SLC25A48: variants seen among roughly 807,000 people sequenced by gnomAD.
The protein encoded by SLC25A48 is CTC-321K16.1.
In SLC25A48, 29 loss-of-function variants were observed where a neutral mutation model predicts 32.2. The ratio of observed to expected loss-of-function variants is 0.90; its 90% CI spans 0.67 to 1.23. SLC25A48 has a LOEUF of 1.23. Ranked by LOEUF, SLC25A48 falls within the 50% of genes most tolerant of loss-of-function variation. The probability of loss-of-function intolerance (pLI) is 0.00; values close to 1 mark genes in which losing one functional copy is unlikely to be tolerated. For synonymous variants in SLC25A48, 164 were observed against 172.3 expected, an observed-to-expected ratio of 0.95 and a Z score of 0.38; for missense variants, 399 against 422.7, an observed-to-expected ratio of 0.94 and a Z score of 0.49.
chr5:135,739,245 A>G (rs1206566222), intron 3 of SLC25A48, among the ~76,000 whole-genome samples: 3 of 152,056 alleles, frequency 2.0e-5, no homozygotes, highest in African/African-American at 7.2e-5. Flanking sequence ...AGTCTCCTGC[A>G]TAGCTGGGAC....
At position 135,846,611 on chromosome 5, in the gene SLC25A48, A is replaced by G. The variant is rs80204437; in HGVS notation, c.91-3814A>G. On this transcript the variant is annotated intron_variant, in intron 2 of 7. Transcript: ENST00000681962. ...AGCTCTGGGATGCTGAGAGGTTCCA[A>G]TGGGAGAGAAACCATGAACTGGAGT... is the stretch of plus-strand genomic sequence containing the variant. Among the ~76,000 whole-genome samples, 410 of 152,242 alleles carry G rather than the reference A, an allele frequency of 2.7e-3. 3 individuals are homozygous for G. The highest frequency in any genetic ancestry group is 0.01 in the East Asian group (54 of 5,162).
chr5:135,758,780 A>G (rs953169946), intron 3 of SLC25A48, among the ~76,000 whole-genome samples: 3 of 150,726 alleles, frequency 2.0e-5, no homozygotes, highest in African/African-American at 7.3e-5. Flanking sequence ...ATTGACGTTA[A>G]TATATCATCT....
chr5:135,704,129 C>G (rs756944649), intron 3 of SLC25A48, among the ~76,000 whole-genome samples: 8 of 152,232 alleles, frequency 5.3e-5, no homozygotes, highest in Non-Finnish European at 1.0e-4. Flanking sequence ...GGTTCACACA[C>G]TGTTCTGGGC....
chr5:135,771,268 T>C (rs1287429163), intron 3 of SLC25A48, among the ~76,000 whole-genome samples: 1 of 151,698 alleles, frequency 6.6e-6, no homozygotes, highest in East Asian at 1.9e-4. Context: ...CCCTCTGCGA[T>C]ATGGTTCATA....
chr5:135,779,682 G>A (rs1756673019), intron 3 of SLC25A48, among the ~76,000 whole-genome samples: 1 of 117,210 alleles, frequency 8.5e-6, no homozygotes, highest in Admixed American at 8.8e-5. Flanking sequence ...ACAACCACCC[G>A]GTAATATTGT....
intron 3 of SLC25A48, among the ~76,000 whole-genome samples, chr5:135,785,239 T>A (rs1023627662): frequency 6.6e-6 from 1 of 152,052 alleles, no homozygotes; most frequent in Non-Finnish European, 1.5e-5. Flanking sequence ...TAGATCGTAA[T>A]GTCCGGGTGG....
At chr5:135,716,680 A>G (rs2126979087) in intron 3 of SLC25A48, among the ~76,000 whole-genome samples, 1 of 152,312 alleles carries the variant, frequency 6.6e-6, no homozygotes, top group East Asian at 1.9e-4. Flanking sequence ...TTCCAAATAA[A>G]AAGGCAGTCC....
intron 7 of SLC25A48, among the ~76,000 whole-genome samples, chr5:135,885,282 A>G (rs1762674905): frequency 6.6e-6 from 1 of 152,044 alleles, no homozygotes; most frequent in African/African-American, 2.4e-5. Flanking sequence ...CCAGGCATAC[A>G]ATGGGCATTT....
chr5:135,767,392 G>T (rs376228470), intron 3 of SLC25A48, among the ~76,000 whole-genome samples: 1 of 151,918 alleles, frequency 6.6e-6, no homozygotes, highest in African/African-American at 2.4e-5. Flanking sequence ...CATATTGCGG[G>T]CGGTGCACAC....
chr5:135,813,478 G>A (rs1466273467), intron 4 of SLC25A48, among the ~76,000 whole-genome samples: 1 of 152,146 alleles, frequency 6.6e-6, no homozygotes, highest in Non-Finnish European at 1.5e-5. Context: ...CTGTCTGATA[G>A]GTGAGAGATG....
intron 7 of SLC25A48, 124 bp from the exon 8 acceptor site, chr5:135,887,908 T>A: frequency 2.3e-6 from 2 of 870,992 alleles, no homozygotes; most frequent in Non-Finnish European, 3.6e-6. Flanking sequence ...AGTGCAAAAG[T>A]GTTTTTGTAA....
intron 3 of SLC25A48, among the ~76,000 whole-genome samples, chr5:135,701,148 G>A (rs58800900): frequency 0.033 from 5,055 of 152,146 alleles, 102 homozygotes; most frequent in African/African-American, 0.058. Context: ...CAGAGTGTGG[G>A]CCGTCAGTCC....
At chr5:135,799,065 T>C (rs1051931545) in intron 3 of SLC25A48, among the ~76,000 whole-genome samples, 4 of 151,782 alleles carry the variant, frequency 2.6e-5, no homozygotes, top group Non-Finnish European at 5.9e-5. Flanking sequence ...ACTCCCAATA[T>C]CGCAAAGAAT....
intron 1 of SLC25A48, among the ~76,000 whole-genome samples, chr5:135,613,595 T>C (rs1418347803): frequency 6.6e-6 from 1 of 152,192 alleles, no homozygotes; most frequent in Non-Finnish European, 1.5e-5. Flanking sequence ...CTTGAGTTGA[T>C]TTTTGTACAT....
intron 3 of SLC25A48, among the ~76,000 whole-genome samples, chr5:135,697,502 T>C (rs1321083102): frequency 6.6e-6 from 1 of 152,214 alleles, no homozygotes; most frequent in African/African-American, 2.4e-5. Flanking sequence ...TTTCCCTTTT[T>C]GAGGAGTTAG....
chr5:135,834,795 G>C lies in SLC25A48; in HGVS notation c.-53G>C. ...TCGCGCCCGCGGGCCATGCCCCACT[G>C]ACTCTAAGTGGGCACTGCCCCGGCT... On this transcript the variant is annotated 5_prime_UTR_variant, in exon 1 of 8. An upstream open reading frame in the 5' UTR loses its in-frame stop. Coordinates refer to ENST00000681962, the MANE Select transcript of SLC25A48 (RefSeq NM_001349336.2). 6.5e-7 allele frequency: 1 copy of C among 1,528,396 alleles called. No individual in the cohort carries two copies. The highest frequency in any genetic ancestry group is 2.1e-5 in the Admixed American group (1 of 47,376). 94.7% of individuals were successfully genotyped at this position (1,528,396 alleles called of 1,614,324 possible). A position where few individuals can be genotyped will look rare whatever the true frequency, so the allele number is the denominator to read the frequency against.
chr5:135,736,202 A>G lies in SLC25A48; in HGVS notation c.-520-76321A>G, dbSNP rs557220111. ...ATTTGGGAGGAATCGCATTGGGTAC[A>G]GAGACTAGGGAGGGAATGAAGTGTG... On this transcript the variant is annotated intron_variant, in intron 3 of 10. Transcript: ENST00000646290. Among the ~76,000 whole-genome samples, 8 of 152,296 alleles carry G rather than the reference A, an allele frequency of 5.3e-5. No individual in the cohort carries two copies. The East Asian group carries it at 9.7e-4, about 18-fold the overall frequency.
At chr5:135,658,211 A>G (rs925392501) in intron 3 of SLC25A48, among the ~76,000 whole-genome samples, 8 of 152,344 alleles carry the variant, frequency 5.3e-5, no homozygotes, top group Non-Finnish European at 1.0e-4. Context: ...TCAAGATACA[A>G]TGGAGGTACA....
chr5:135,696,815 C>T (rs1196767299), intron 3 of SLC25A48, among the ~76,000 whole-genome samples: 1 of 152,206 alleles, frequency 6.6e-6, no homozygotes, highest in Non-Finnish European at 1.5e-5. Flanking sequence ...GCCTTTCCAC[C>T]TCCTGCCAAT....
Sources: allele counts gnomAD v4.1 joint callset (sites outside exome capture counted in the v4.1 genomes callset), GRCh38; gene constraint gnomAD v4.1.1; transcripts MANE v1.5; gene names NCBI Gene and HGNC (gene_info 2026-07-23, HGNC 2026-07-21).